Variants in NCKAP1 observed in about 807,000 individuals in gnomAD.
The protein encoded by NCKAP1 is nck-associated protein 1.
NCKAP1 carries 21 observed loss-of-function variants against 151.2 expected under a neutral mutation model. That is an observed-to-expected ratio of 0.14 (90% CI 0.10 to 0.20). The LOEUF (loss-of-function observed/expected upper bound fraction) is 0.20, where lower values mean the gene tolerates loss of function less well. NCKAP1 is among the 10% of genes least tolerant of loss of function. NCKAP1 has a pLI of 1.00. For missense variants in NCKAP1, 933 were observed against 1,352.1 expected, an observed-to-expected ratio of 0.69 and a Z score of 4.86; for synonymous variants, 484 against 451.8, an observed-to-expected ratio of 1.07 and a Z score of -0.90.
chr2:182,916,381 T>A lies in NCKAP1; in HGVS notation c.*9321A>T, dbSNP rs903482643. On this transcript the variant is annotated 3_prime_UTR_variant, in exon 31 of 31. Coordinates refer to ENST00000361354, the MANE Select transcript of NCKAP1 (RefSeq NM_013436.5). ...GCCACTGGCCTTTCCTAACTTAAAG[T>A]AAGATTCTGAGAGTTACACAGGGTA... 1.3e-5 allele frequency: 2 copies of A among 152,016 alleles called. No homozygotes were observed. The highest frequency in any genetic ancestry group is 4.8e-5 in the African/African-American group (2 of 41,368). The allele number at this position is 152,016 out of a possible 1,614,324, so 9.4% of individuals were successfully genotyped here. A position where few individuals can be genotyped will look rare whatever the true frequency, so the allele number is the denominator to read the frequency against.
intron 6 of NCKAP1, among the ~76,000 whole-genome samples, chr2:182,998,834 C>CAAAAA (rs1160835228): frequency 1.0e-3 from 45 of 44,168 alleles, no homozygotes; most frequent in Non-Finnish European, 1.5e-3. Context: ...AAGACTCCAA[C>CAAAAA]AAAAAAAAAA....
intron 15 of NCKAP1, among the ~76,000 whole-genome samples, chr2:182,972,951 A>G (rs1575040035): frequency 6.6e-6 from 1 of 152,188 alleles, no homozygotes; most frequent in Non-Finnish European, 1.5e-5. Flanking sequence ...ACAAAAGTAC[A>G]GTTAGGAGGA....
intron 8 of NCKAP1, among the ~76,000 whole-genome samples, chr2:182,993,425 A>G (rs1053781091): frequency 7.9e-5 from 12 of 152,212 alleles, no homozygotes; most frequent in African/African-American, 2.9e-4. Flanking sequence ...AAAAAACACA[A>G]ACACTTCAAA....
At chr2:182,994,707 G>A in intron 8 of NCKAP1, 132 bp downstream of exon 8, 1 of 696,636 alleles carries the variant, frequency 1.4e-6, no homozygotes, top group Non-Finnish European at 2.5e-6. Context: ...TCAATATGAG[G>A]ACTGAAAGAG....
At chr2:182,935,977 C>CT (rs1432963288) in intron 24 of NCKAP1, among the ~76,000 whole-genome samples, 22 of 152,240 alleles carry the variant, frequency 1.4e-4, no homozygotes, top group African/African-American at 4.8e-4. Context: ...ATTTTCAAGG[C>CT]TGAGCATGGT....
intron 30 of NCKAP1, among the ~76,000 whole-genome samples, chr2:182,926,050 T>G (rs1386349063): frequency 6.6e-6 from 1 of 152,052 alleles, no homozygotes; most frequent in East Asian, 1.9e-4. Flanking sequence ...TCAATTAAAT[T>G]TATTTAATCA....
In NCKAP1 at chr2:182,916,984, T is replaced by A. The variant is rs80352370; in HGVS notation, c.*8718A>T. The A allele has an allele frequency of 6.6e-6, 1 of 152,128 alleles. No individual in the cohort carries two copies. Among genetic ancestry groups the A allele is most frequent in the East Asian group, 1.9e-4 (1 of 5,198 alleles). The allele number at this position is 152,128 out of a possible 1,614,324, so 9.4% of individuals were successfully genotyped here. A position where few individuals can be genotyped will look rare whatever the true frequency, so the allele number is the denominator to read the frequency against. ...GATATTATAATACTCATAAAAGCCA[T>A]GAAAAAACTCTTTGAAGGCAATTTT... On this transcript the variant is annotated 3_prime_UTR_variant, in exon 31 of 31. Coordinates refer to ENST00000361354, the MANE Select transcript of NCKAP1 (RefSeq NM_013436.5).
chr2:182,925,847 A>C, intron 30 of NCKAP1, 29 bp from the exon 31 acceptor site: 1 of 1,279,036 alleles, frequency 7.8e-7, no homozygotes, highest in East Asian at 2.5e-5. Context: ...CCATCAAAAC[A>C]AGTTATTTAT....
intron 2 of NCKAP1, among the ~76,000 whole-genome samples, chr2:183,016,930 C>T (rs1336139179): frequency 1.3e-5 from 2 of 152,002 alleles, no homozygotes; most frequent in Non-Finnish European, 2.9e-5. Flanking sequence ...TAGTGGGGAA[C>T]CCGGACAAGT....
Position 182,945,132 on chromosome 2 carries a change from G to A in NCKAP1, c.2602-2969C>T, listed in dbSNP as rs531824383. Among the ~76,000 whole-genome samples the A allele has an allele frequency of 4.7e-4, 71 of 152,154 alleles. 1 individual carries two copies. The highest frequency in any genetic ancestry group is 9.6e-4 in the Non-Finnish European group (65 of 68,028). ...CACCTGTAATCCCAGCTACTCGGGAGGCTGAGGCAGGAGAATCGCCTGAAC... is the reference window on the plus strand; with the variant it reads ...CACCTGTAATCCCAGCTACTCGGGAAGCTGAGGCAGGAGAATCGCCTGAAC... On this transcript the variant is annotated intron_variant, in intron 23 of 30. Transcript: ENST00000361354.
intron 18 of NCKAP1, among the ~76,000 whole-genome samples, chr2:182,961,274 C>T (rs1697444858): frequency 6.6e-6 from 1 of 152,214 alleles, no homozygotes; most frequent in Admixed American, 6.5e-5. Flanking sequence ...TATAAAGACA[C>T]ATGCACACGT....
chr2:182,973,064 ATG>A (rs2105844735), intron 15 of NCKAP1, among the ~76,000 whole-genome samples: 2 of 152,276 alleles, frequency 1.3e-5, no homozygotes, highest in South Asian at 4.1e-4. Flanking sequence ...ATATGATGAT[ATG>A]TGTTTGAGGT....
chr2:182,974,104 C>A (rs1697754289), intron 15 of NCKAP1, among the ~76,000 whole-genome samples: 1 of 151,864 alleles, frequency 6.6e-6, no homozygotes, highest in Non-Finnish European at 1.5e-5. Context: ...GGAACTTTCA[C>A]CTTTGAGCTG....
chr2:182,993,249 T>C (rs1285599152), intron 8 of NCKAP1, among the ~76,000 whole-genome samples: 1 of 152,206 alleles, frequency 6.6e-6, no homozygotes, highest in African/African-American at 2.4e-5. Context: ...GTGGACTCAA[T>C]GTAATACTCA....
chr2:183,021,793 G>A (rs568887599), intron 2 of NCKAP1, among the ~76,000 whole-genome samples: 80 of 152,170 alleles, frequency 5.3e-4, no homozygotes, highest in African/African-American at 1.9e-3. Context: ...GGTGTTGGCA[G>A]GAAATCAGGG....
intron 26 of NCKAP1, chr2:182,934,536 T>C (rs1696833979): frequency 3.1e-6 from 1 of 326,208 alleles, no homozygotes; most frequent in East Asian, 5.3e-5. Flanking sequence ...AATTTTGCAT[T>C]GCTATAGGTG....
At chr2:183,033,830 A>G (rs1699051412) in intron 1 of NCKAP1, among the ~76,000 whole-genome samples, 1 of 152,324 alleles carries the variant, frequency 6.6e-6, no homozygotes, top group East Asian at 1.9e-4. Context: ...TCAGTAGCTT[A>G]TAAAGTTATA....
chr2:182,937,285 T>C (rs1022662961), intron 24 of NCKAP1, among the ~76,000 whole-genome samples: 1 of 152,092 alleles, frequency 6.6e-6, no homozygotes, highest in Admixed American at 6.6e-5. Context: ...AATGACACAT[T>C]AAAAGTTCTA....
chr2:183,018,076 C>T (rs1698727695), intron 2 of NCKAP1, among the ~76,000 whole-genome samples: 1 of 151,938 alleles, frequency 6.6e-6, no homozygotes, highest in Non-Finnish European at 1.5e-5. Context: ...TGGTGAAACC[C>T]GTCTCTACTA....
Sources: allele counts gnomAD v4.1 joint callset (sites outside exome capture counted in the v4.1 genomes callset), GRCh38; gene constraint gnomAD v4.1.1; transcripts MANE v1.5; gene names NCBI Gene and HGNC (gene_info 2026-07-23, HGNC 2026-07-21).